Variants in PUM2 observed in about 807,000 individuals in gnomAD.
The protein encoded by PUM2 is pumilio RNA binding family member 2, also known as pumilio homolog 2.
A neutral mutation model predicts 124.5 loss-of-function variants in PUM2; 57 were observed. That is an observed-to-expected ratio of 0.46 (90% CI 0.37 to 0.57). The LOEUF is 0.57. Ranked by LOEUF, PUM2 falls within the 20% of genes least tolerant of loss-of-function variation. The pLI, the probability that PUM2 is intolerant of heterozygous loss-of-function variation, is 0.00. For missense variants in PUM2, 1,065 were observed against 1,290.6 expected (o/e 0.83, Z 2.68); for synonymous variants, 460 against 446.1 (o/e 1.03, Z -0.39).
intron 13 of PUM2, among the ~76,000 whole-genome samples, chr2:20,273,444 T>C (rs1210684362): frequency 6.6e-6 from 1 of 152,096 alleles, no homozygotes; most frequent in Non-Finnish European, 1.5e-5. Context: ...CTAAGTAAAT[T>C]AACTGGTGAA....
chr2:20,271,987 C>T (rs1669119389), intron 13 of PUM2, among the ~76,000 whole-genome samples: 1 of 152,014 alleles, frequency 6.6e-6, no homozygotes, highest in African/African-American at 2.4e-5. Context: ...GGTGAAAACC[C>T]GTCTCTACTA....
rs879939038 is a variant in PUM2, at chr2:20,251,063, CTT to C, written c.*520_*521del. 1.3e-5 allele frequency: 2 copies of C among 152,082 alleles called. No homozygotes were observed. The highest frequency in any genetic ancestry group is 2.4e-5 in the African/African-American group (1 of 41,058). 9.4% of individuals were successfully genotyped at this position (152,082 alleles called of 1,614,324 possible). ...TGAATTATCAAAATACAACTTAACT[CTT>C]TTTAAAATATTAATAATATTTATGC... On this transcript the variant is annotated 3_prime_UTR_variant, in exon 21 of 21. Coordinates refer to ENST00000361078, the MANE Select transcript of PUM2 (RefSeq NM_015317.5).
chr2:20,317,335 T>G (rs1451935291), intron 3 of PUM2, among the ~76,000 whole-genome samples: 4 of 152,186 alleles, frequency 2.6e-5, no homozygotes, highest in African/African-American at 9.7e-5. Context: ...ACTTATGAAG[T>G]TGAAATCAAA....
intron 1 of PUM2, among the ~76,000 whole-genome samples, chr2:20,344,856 G>A (rs968939709): frequency 1.3e-4 from 19 of 151,550 alleles, no homozygotes; most frequent in Non-Finnish European, 2.4e-4. Flanking sequence ...CGTGGCGGGC[G>A]CCTGTAGTCC....
chr2:20,309,572 C>T lies in PUM2; in HGVS notation c.519-988G>A, dbSNP rs1383805283. ...TAAACTTACATTTCTAGCCCATTAT[C>T]AATCCTCATTTATAGCTTATCTTAT... On this transcript the variant is annotated intron_variant, in intron 5 of 20. Transcript: ENST00000361078. Among the ~76,000 whole-genome samples, 3 of 152,140 alleles carry T rather than the reference C, an allele frequency of 2.0e-5. No individual in the cohort carries two copies. In the South Asian group the frequency reaches 6.2e-4, roughly 32 times the overall value.
At position 20,257,043 on chromosome 2, in the gene PUM2, C is replaced by CAAAAAAA. The variant is rs58072146; in HGVS notation, c.2485-880_2485-874dup. ...TGGGCGACACAGCAAGATTCCGTCT[C>CAAAAAAA]AAAAAAAAAAAAAAAAAAAAAAAAA... On this transcript the variant is annotated intron_variant, in intron 16 of 20. Transcript: ENST00000361078. Among the ~76,000 whole-genome samples the CAAAAAAA allele has an allele frequency of 1.3e-3, 91 of 71,804 alleles. 3 individuals carry two copies. Among genetic ancestry groups the CAAAAAAA allele is most frequent in the African/African-American group, 1.4e-3 (24 of 16,812 alleles). The allele number at this position is 71,804 out of a possible 152,430, so 47.1% of individuals were successfully genotyped here. A position where few individuals can be genotyped will look rare whatever the true frequency, so the allele number is the denominator to read the frequency against.
Position 20,283,102 on chromosome 2 carries a change from GA to G in PUM2, c.1564del (p.Ser522HisfsTer8). ...AGTCAAAGAACTGCTTCCATAAAAT[GA>G]ATTAGATTGCAGATTAGTGCTTGGC... ...QQPSTNLQSN[S>X]FYGSSSLTNS... On this transcript the variant is annotated frameshift_variant, in exon 12 of 21. Coordinates refer to ENST00000361078, the MANE Select transcript of PUM2 (RefSeq NM_015317.5). LOFTEE classifies it high-confidence loss of function. The G allele has an allele frequency of 6.2e-7, 1 of 1,614,096 alleles. No individual in the cohort carries two copies. Among genetic ancestry groups the G allele is most frequent in the Non-Finnish European group, 8.5e-7 (1 of 1,180,014 alleles).
intron 1 of PUM2, among the ~76,000 whole-genome samples, chr2:20,336,517 A>T (rs1009611830): frequency 2.1e-5 from 3 of 143,908 alleles, no homozygotes; most frequent in Non-Finnish European, 4.6e-5. Flanking sequence ...TAAAGATATA[A>T]TTTTTTTTTT....
chr2:20,338,743 T>C (rs775413942), intron 1 of PUM2, among the ~76,000 whole-genome samples: 1 of 152,152 alleles, frequency 6.6e-6, no homozygotes, highest in Non-Finnish European at 1.5e-5. Flanking sequence ...GGAAATGATA[T>C]AATACAAATA....
intron 10 of PUM2, among the ~76,000 whole-genome samples, chr2:20,290,065 C>CA (rs1181036497): frequency 6.6e-6 from 1 of 152,122 alleles, no homozygotes; most frequent in African/African-American, 2.4e-5. Flanking sequence ...GATCATTTCA[C>CA]AAAAAAGTAC....
chr2:20,328,097 G>A (rs1484527500), intron 1 of PUM2, among the ~76,000 whole-genome samples: 1 of 152,190 alleles, frequency 6.6e-6, no homozygotes, highest in East Asian at 1.9e-4. Flanking sequence ...CACTTTGGGA[G>A]ACCGAGGTGG....
At chr2:20,278,306 AAC>A (rs1670707192) in intron 13 of PUM2, among the ~76,000 whole-genome samples, 1 of 152,096 alleles carries the variant, frequency 6.6e-6, no homozygotes, top group Non-Finnish European at 1.5e-5. Context: ...GATGCTCTAA[AAC>A]ACACAAATCA....
chr2:20,320,018 A>T (rs2148740496), intron 2 of PUM2, among the ~76,000 whole-genome samples: 1 of 152,358 alleles, frequency 6.6e-6, no homozygotes, highest in South Asian at 2.1e-4. Context: ...CTGTAATCCC[A>T]GCACTTTGGG....
intron 14 of PUM2, among the ~76,000 whole-genome samples, chr2:20,261,826 T>C (rs1221761622): frequency 6.6e-6 from 1 of 152,244 alleles, no homozygotes; most frequent in East Asian, 1.9e-4. Context: ...TGTGTTTCTG[T>C]TCTAAGCTAA....
At chr2:20,286,370 G>A (rs1672744336) in intron 10 of PUM2, among the ~76,000 whole-genome samples, 1 of 152,096 alleles carries the variant, frequency 6.6e-6, no homozygotes, top group African/African-American at 2.4e-5. Flanking sequence ...AAGTAGTCAA[G>A]GATTCCCCTT....
intron 9 of PUM2, 137 bp from the exon 10 acceptor site, chr2:20,290,927 G>A (rs769274203): frequency 5.7e-6 from 4 of 697,634 alleles, no homozygotes; most frequent in Non-Finnish European, 8.7e-6. Context: ...TGTAGATTTA[G>A]CATGAAAAAT....
At chr2:20,276,122 T>G (rs185892363) in intron 13 of PUM2, among the ~76,000 whole-genome samples, 1 of 152,062 alleles carries the variant, frequency 6.6e-6, no homozygotes, top group Non-Finnish European at 1.5e-5. Flanking sequence ...TTTGAACAAG[T>G]GTTTTAGATT....
At chr2:20,279,386 A>AT (rs1670981813) in intron 12 of PUM2, among the ~76,000 whole-genome samples, 1 of 152,138 alleles carries the variant, frequency 6.6e-6, no homozygotes, top group East Asian at 1.9e-4. Flanking sequence ...ACTCAACAGT[A>AT]TTTTTTACAC....
chr2:20,325,723 G>A (rs890790181), intron 2 of PUM2, among the ~76,000 whole-genome samples: 14 of 151,662 alleles, frequency 9.2e-5, no homozygotes, highest in African/African-American at 2.4e-4. Flanking sequence ...CCGGGTTCAC[G>A]CCATTCTCCT....
Sources: gnomAD v4.1 joint callset for allele counts (sites outside exome capture counted in the v4.1 genomes callset) on GRCh38, gnomAD v4.1.1 for gene constraint, MANE v1.5 for transcripts, NCBI Gene and HGNC (gene_info 2026-07-23, HGNC 2026-07-21) for gene names.